The following CYB5R4 variants were observed in gnomAD, a reference collection of about 807,000 sequenced individuals.
CYB5R4 encodes the protein cytochrome b5 reductase 4.
CYB5R4 carries 55 observed loss-of-function variants against 70.2 expected under a neutral mutation model. That is an observed-to-expected ratio of 0.78 (90% CI 0.63 to 0.98). CYB5R4 has a LOEUF of 0.98. CYB5R4 is among the 50% of genes least tolerant of loss of function. The pLI is 0.00. For synonymous variants in CYB5R4, 197 were observed against 199.5 expected (o/e 0.99, Z 0.11); for missense variants, 562 against 612.6 (o/e 0.92, Z 0.87).
chr6:83,902,888 A>G (rs546190833), intron 3 of CYB5R4, among the ~76,000 whole-genome samples: 4 of 152,222 alleles, frequency 2.6e-5, no homozygotes, highest in African/African-American at 9.6e-5. Context: ...GTGTCTTGTA[A>G]CTTTACTGAA....
chr6:83,899,575 G>A (rs1396204897), intron 3 of CYB5R4, among the ~76,000 whole-genome samples: 1 of 152,140 alleles, frequency 6.6e-6, no homozygotes, highest in Non-Finnish European at 1.5e-5. Flanking sequence ...GTAGAATTCG[G>A]CTGTGAATCC....
At chr6:83,942,488 G>A (rs2099469922) in intron 14 of CYB5R4, among the ~76,000 whole-genome samples, 1 of 152,174 alleles carries the variant, frequency 6.6e-6, no homozygotes, top group South Asian at 2.1e-4. Flanking sequence ...GATTCCCTTG[G>A]GTGCCTACAC....
At position 83,937,131 on chromosome 6, in the gene CYB5R4, C is replaced by T. The variant is rs1017966995; in HGVS notation, c.1108+755C>T. ...TTCTACTAAAAATACAAAAATTAGC[C>T]GGGTATGATGGCGGGCGCCTGTAAT... On this transcript the variant is annotated intron_variant, in intron 12 of 15. Transcript: ENST00000369681. Among the ~76,000 whole-genome samples, 8 of 152,038 alleles carry T rather than the reference C, an allele frequency of 5.3e-5. No homozygotes were observed. The East Asian group carries it at 1.2e-3, about 22-fold the overall frequency.
chr6:83,910,100 A>G (rs756566328), intron 4 of CYB5R4: 1 of 1,607,562 alleles, frequency 6.2e-7, no homozygotes, highest in South Asian at 1.1e-5. Context: ...CTGAGGATGG[A>G]GATAGACACC....
rs2099473058 is a variant in CYB5R4, at chr6:83,959,937, GT to G, written c.*65del. 1.5e-6 allele frequency: 2 copies of G among 1,351,610 alleles called. No homozygotes were observed. Among genetic ancestry groups the G allele is most frequent in the African/African-American group, 1.5e-5 (1 of 67,696 alleles). The allele number at this position is 1,351,610 out of a possible 1,614,324, so 83.7% of individuals were successfully genotyped here. On this transcript the variant is annotated 3_prime_UTR_variant, in exon 16 of 16. Coordinates refer to ENST00000369681, the MANE Select transcript of CYB5R4 (RefSeq NM_016230.4). Reference sequence around the variant, plus strand: ...TTATCTAAATTTGTGATTGCTTAGGGTTTTTTAAGAGAACATTTTTGTACAT... The same window carrying G: ...TTATCTAAATTTGTGATTGCTTAGGGTTTTTAAGAGAACATTTTTGTACAT...
chr6:83,919,670 C>T (rs940841080), intron 7 of CYB5R4, among the ~76,000 whole-genome samples: 2 of 152,050 alleles, frequency 1.3e-5, no homozygotes, highest in Non-Finnish European at 2.9e-5. Context: ...GCATTTGGAA[C>T]TCAGGCAGTC....
At chr6:83,933,718 A>G (rs1383481261) in intron 10 of CYB5R4, among the ~76,000 whole-genome samples, 1 of 152,168 alleles carries the variant, frequency 6.6e-6, no homozygotes, top group Non-Finnish European at 1.5e-5. Flanking sequence ...TCTAATCCAA[A>G]TGGTATTATT....
chr6:83,910,975 A>G (rs1346516003), intron 4 of CYB5R4, among the ~76,000 whole-genome samples: 3 of 152,208 alleles, frequency 2.0e-5, no homozygotes, highest in Non-Finnish European at 4.4e-5. Flanking sequence ...AGTTTGAGAG[A>G]TGTATAAAAT....
chr6:83,911,606 C>A (rs1255801931), intron 4 of CYB5R4, among the ~76,000 whole-genome samples: 2 of 152,110 alleles, frequency 1.3e-5, no homozygotes, highest in Non-Finnish European at 2.9e-5. Context: ...GGACTCCTGA[C>A]AAATGCCTAC....
chr6:83,932,175 T>C lies in CYB5R4; in HGVS notation c.815-2420T>C, dbSNP rs146052181. Among the ~76,000 whole-genome samples, 1,037 of 152,302 alleles carry C rather than the reference T, an allele frequency of 6.8e-3. 15 individuals carry two copies. Among genetic ancestry groups the C allele is most frequent in the African/African-American group, 0.024 (986 of 41,554 alleles). On this transcript the variant is annotated intron_variant, in intron 10 of 15. Transcript: ENST00000369681. ...TGATGCAATTGAAAGATGAAAACTT[T>C]CTTAAATCTTTCTTAAAATCCTTGG... is the stretch of plus-strand genomic sequence containing the variant.
At chr6:83,866,087 T>A (rs1205568092) in intron 2 of CYB5R4, among the ~76,000 whole-genome samples, 1 of 152,192 alleles carries the variant, frequency 6.6e-6, no homozygotes, top group Non-Finnish European at 1.5e-5. Context: ...CAAGATTAAT[T>A]TCCCAAGAAC....
intron 12 of CYB5R4, among the ~76,000 whole-genome samples, chr6:83,938,936 G>T (rs1467489286): frequency 6.6e-6 from 1 of 151,928 alleles, no homozygotes; most frequent in Non-Finnish European, 1.5e-5. Flanking sequence ...TCGGGTTCAA[G>T]CGATTCTCCT....
intron 10 of CYB5R4, among the ~76,000 whole-genome samples, chr6:83,932,609 G>A (rs2099468324): frequency 6.6e-6 from 1 of 152,164 alleles, no homozygotes. Context: ...AAGGTGAGGA[G>A]TATTGCAAGG....
intron 7 of CYB5R4, among the ~76,000 whole-genome samples, chr6:83,919,976 C>T (rs528980873): frequency 6.6e-6 from 1 of 151,988 alleles, no homozygotes; most frequent in Non-Finnish European, 1.5e-5. Context: ...AATTCAGTAA[C>T]CATCAAAACT....
intron 15 of CYB5R4, among the ~76,000 whole-genome samples, chr6:83,958,386 A>G (rs2099472767): frequency 6.6e-6 from 1 of 152,134 alleles, no homozygotes; most frequent in Non-Finnish European, 1.5e-5. Context: ...TCCGGGAGAG[A>G]TGGGTTACTT....
At chr6:83,867,146 A>G (rs2099456856) in intron 2 of CYB5R4, among the ~76,000 whole-genome samples, 1 of 152,198 alleles carries the variant, frequency 6.6e-6, no homozygotes, top group African/African-American at 2.4e-5. Context: ...AGTGTAAGTG[A>G]TATCAGACTG....
At chr6:83,944,381 A>G (rs142763559) in intron 14 of CYB5R4, among the ~76,000 whole-genome samples, 1 of 152,310 alleles carries the variant, frequency 6.6e-6, no homozygotes, top group African/African-American at 2.4e-5. Context: ...AGACAAGCAA[A>G]TGCTGAGGGA....
chr6:83,869,735 A>G (rs1375224361), intron 2 of CYB5R4, among the ~76,000 whole-genome samples: 1 of 151,996 alleles, frequency 6.6e-6, no homozygotes, highest in Non-Finnish European at 1.5e-5. Context: ...AAGCAGGAGA[A>G]TTGCTTGAAC....
intron 2 of CYB5R4, among the ~76,000 whole-genome samples, chr6:83,888,138 T>C (rs1166066261): frequency 6.6e-6 from 1 of 152,140 alleles, no homozygotes; most frequent in Non-Finnish European, 1.5e-5. Flanking sequence ...CCAGAGCAAT[T>C]AGAGATGTGG....
Sources: allele counts gnomAD v4.1 joint callset (sites outside exome capture counted in the v4.1 genomes callset), GRCh38; gene constraint gnomAD v4.1.1; transcripts MANE v1.5; gene names NCBI Gene and HGNC (gene_info 2026-07-23, HGNC 2026-07-21).